Variants in GLRA3 observed in about 807,000 individuals in gnomAD.
GLRA3 encodes glycine receptor subunit alpha-3.
GLRA3 carries 44 observed loss-of-function variants against 60.4 expected under a neutral mutation model. That is an observed-to-expected ratio of 0.73 (90% CI 0.57 to 0.94). The LOEUF is 0.94. Among genes scored for constraint, GLRA3 ranks in the 40% least tolerant of loss-of-function variants. The probability of loss-of-function intolerance (pLI) is 0.00; values close to 1 mark genes in which losing one functional copy is unlikely to be tolerated. For synonymous variants in GLRA3, 223 were observed against 192.9 expected, an observed-to-expected ratio of 1.16 and a Z score of -1.29; for missense variants, 508 against 564.6, an observed-to-expected ratio of 0.90 and a Z score of 1.02.
intron 8 of GLRA3, among the ~76,000 whole-genome samples, chr4:174,658,445 C>G (rs897679562): frequency 6.6e-6 from 1 of 152,148 alleles, no homozygotes; most frequent in Non-Finnish European, 1.5e-5. Flanking sequence ...ACTTCTGCAA[C>G]TTCCTACGGT....
chr4:174,798,392 A>C (rs1739654164), intron 1 of GLRA3, among the ~76,000 whole-genome samples: 1 of 152,216 alleles, frequency 6.6e-6, no homozygotes, highest in South Asian at 2.1e-4. Context: ...CAGTTTGAAA[A>C]ATAAGATACA....
At chr4:174,762,924 T>C (rs986523812) in intron 3 of GLRA3, among the ~76,000 whole-genome samples, 1 of 152,192 alleles carries the variant, frequency 6.6e-6, no homozygotes, top group African/African-American at 2.4e-5. Flanking sequence ...AAAGATAGTC[T>C]ATCAGAATTC....
At chr4:174,770,972 T>C (rs1406612967) in intron 2 of GLRA3, among the ~76,000 whole-genome samples, 1 of 150,926 alleles carries the variant, frequency 6.6e-6, no homozygotes, top group Non-Finnish European at 1.5e-5. Context: ...CTCAGCAAAC[T>C]ATCGCAAGGA....
rs144082170 is a variant in GLRA3, at chr4:174,643,836, C to T, written c.1345G>A (p.Val449Ile). Residue 449 changes from valine to isoleucine, a missense_variant, in exon 10 of 10, where the codon GTT (valine) becomes ATT (isoleucine). Transcript: ENST00000274093. ...AFLIFNIFYW[V>I]IYKILRHEDI... Reference sequence around the variant, plus strand: ...TCATGCCTAAGAATTTTATAGATAACCCAGTAGAAAATATTAAAAATCAAA... The same window carrying T: ...TCATGCCTAAGAATTTTATAGATAATCCAGTAGAAAATATTAAAAATCAAA... 5,243 of 1,613,580 alleles carry T rather than the reference C, an allele frequency of 3.2e-3. 20 individuals carry two copies. The highest frequency in any genetic ancestry group is 3.3e-3 in the Non-Finnish European group (3,852 of 1,179,614).
intron 3 of GLRA3, among the ~76,000 whole-genome samples, chr4:174,742,818 T>C: frequency 6.6e-6 from 1 of 152,170 alleles, no homozygotes. Flanking sequence ...CCCTGGTCCT[T>C]GTGAAACTCA....
chr4:174,766,131 T>C (rs565959208), intron 3 of GLRA3, among the ~76,000 whole-genome samples: 2 of 152,112 alleles, frequency 1.3e-5, no homozygotes, highest in South Asian at 4.1e-4. Flanking sequence ...TTCTCTAATA[T>C]TGGTTTTTTA....
chr4:174,718,947 C>G (rs1475811013), intron 4 of GLRA3, among the ~76,000 whole-genome samples: 1 of 134,774 alleles, frequency 7.4e-6, no homozygotes, highest in Non-Finnish European at 1.6e-5. Context: ...GGTTCTAGTT[C>G]TAGATTTCGT....
chr4:174,757,964 C>T (rs967095137), intron 3 of GLRA3, among the ~76,000 whole-genome samples: 3 of 151,992 alleles, frequency 2.0e-5, no homozygotes, highest in Non-Finnish European at 4.4e-5. Context: ...TGAGTTGTCA[C>T]TATATAAGTT....
chr4:174,765,188 T>TA (rs35534359), intron 3 of GLRA3, among the ~76,000 whole-genome samples: 114,318 of 151,922 alleles, frequency 0.75, 43,308 homozygotes, highest in East Asian at 1. Context: ...AAAGTCTGGC[T>TA]AAATTGTTAA....
intron 7 of GLRA3, among the ~76,000 whole-genome samples, chr4:174,670,996 C>CT (rs983000570): frequency 1.3e-5 from 2 of 151,466 alleles, no homozygotes; most frequent in African/African-American, 2.4e-5. Context: ...TTTTCTGGGC[C>CT]TTTTTTCTTT....
chr4:174,751,093 A>ATCTC (rs1480242812), intron 3 of GLRA3, among the ~76,000 whole-genome samples: 1 of 151,058 alleles, frequency 6.6e-6, no homozygotes, highest in Non-Finnish European at 1.5e-5. Context: ...CTATCTATCT[A>ATCTC]TCTATCTATC....
At chr4:174,791,934 A>G (rs898336542) in intron 1 of GLRA3, among the ~76,000 whole-genome samples, 1 of 152,200 alleles carries the variant, frequency 6.6e-6, no homozygotes, top group Non-Finnish European at 1.5e-5. Flanking sequence ...CAATTAGAAT[A>G]TCTACTTGGT....
At position 174,638,964 on chromosome 4, in the gene GLRA3, C is replaced by T. The variant is rs1732563823; in HGVS notation, c.*4822G>A. The T allele has an allele frequency of 1.3e-5, 2 of 152,174 alleles. No individual in the cohort carries two copies. Among genetic ancestry groups the T allele is most frequent in the African/African-American group, 2.4e-5 (1 of 41,436 alleles). 9.4% of individuals were successfully genotyped at this position (152,174 alleles called of 1,614,324 possible). A position where few individuals can be genotyped will look rare whatever the true frequency, so the allele number is the denominator to read the frequency against. On this transcript the variant is annotated 3_prime_UTR_variant, in exon 10 of 10. Coordinates refer to ENST00000274093, the MANE Select transcript of GLRA3 (RefSeq NM_006529.4). ...TCAAAATCACTTTTTAAAAATAATA[C>T]TCCATCACCTTAAATGTCTCCTCTT...
chr4:174,726,936 A>G (rs571788695), intron 4 of GLRA3, among the ~76,000 whole-genome samples: 43 of 152,280 alleles, frequency 2.8e-4, no homozygotes, highest in Middle Eastern at 3.4e-3. Context: ...TAATTTACTC[A>G]TCCATATGGG....
At position 174,819,738 on chromosome 4, in the gene GLRA3, A is replaced by G. The variant is rs116295110; in HGVS notation, c.71+9003T>C. ...ATAAATGTATGTAAACAAAGAGACA[A>G]ATGTTCTGTGGTACCAATGGTTCTA... On this transcript the variant is annotated intron_variant, in intron 1 of 9. Coordinates refer to ENST00000274093, the MANE Select transcript of GLRA3 (RefSeq NM_006529.4). Among the ~76,000 whole-genome samples the G allele has an allele frequency of 9.5e-3, 1,441 of 152,346 alleles. 25 individuals are homozygous for G. The highest frequency in any genetic ancestry group is 0.033 in the African/African-American group (1,364 of 41,580).
At chr4:174,649,620 T>G (rs1175348039) in intron 9 of GLRA3, among the ~76,000 whole-genome samples, 1 of 152,172 alleles carries the variant, frequency 6.6e-6, no homozygotes, top group Non-Finnish European at 1.5e-5. Context: ...TAGAATAGCC[T>G]GTCTGGCCTA....
chr4:174,647,257 A>C (rs770494862), intron 9 of GLRA3, among the ~76,000 whole-genome samples: 1 of 152,048 alleles, frequency 6.6e-6, no homozygotes, highest in South Asian at 2.1e-4. Context: ...AATTATGAAA[A>C]ATTAGCCAGG....
chr4:174,659,742 C>A (rs779397679), intron 7 of GLRA3, among the ~76,000 whole-genome samples: 5 of 151,888 alleles, frequency 3.3e-5, no homozygotes. Flanking sequence ...TATGCCAAGG[C>A]GGGTGGATCA....
At chr4:174,685,887 A>T (rs1466481765) in intron 5 of GLRA3, among the ~76,000 whole-genome samples, 1 of 152,228 alleles carries the variant, frequency 6.6e-6, no homozygotes, top group East Asian at 1.9e-4. Flanking sequence ...AGATGAATGG[A>T]AAAATGACCT....
Sources: allele counts gnomAD v4.1 joint callset (sites outside exome capture counted in the v4.1 genomes callset), GRCh38; gene constraint gnomAD v4.1.1; transcripts MANE v1.5; gene names NCBI Gene and HGNC (gene_info 2026-07-23, HGNC 2026-07-21).